PTPRD: variants seen among roughly 807,000 people sequenced by gnomAD.
PTPRD encodes the protein receptor-type tyrosine-protein phosphatase delta.
A neutral mutation model predicts 214.5 loss-of-function variants in PTPRD; 34 were observed. That is an observed-to-expected ratio of 0.16 (90% CI 0.12 to 0.21). The LOEUF (loss-of-function observed/expected upper bound fraction) is 0.21, where lower values mean the gene tolerates loss of function less well. PTPRD is among the 10% of genes least tolerant of loss of function. PTPRD has a pLI of 1.00. For missense variants in PTPRD, 2,545 were observed against 2,398.7 expected, an observed-to-expected ratio of 1.06 and a Z score of -1.27; for synonymous variants, 1,128 against 845.7, an observed-to-expected ratio of 1.33 and a Z score of -5.79.
At chr9:8,838,599 GTTAT>G (rs1003223888) in intron 11 of PTPRD, among the ~76,000 whole-genome samples, 7 of 151,688 alleles carry the variant, frequency 4.6e-5, no homozygotes, top group African/African-American at 1.7e-4. Flanking sequence ...TAAATAACAG[GTTAT>G]TTAGTTTGAC....
At chr9:10,254,414 T>A (rs2093063663) in intron 3 of PTPRD, among the ~76,000 whole-genome samples, 1 of 152,188 alleles carries the variant, frequency 6.6e-6, no homozygotes, top group South Asian at 2.1e-4. Flanking sequence ...TTATTCACAG[T>A]GCATGTCCTA....
chr9:10,466,944 C>G (rs2131541595), intron 2 of PTPRD, among the ~76,000 whole-genome samples: 1 of 152,234 alleles, frequency 6.6e-6, no homozygotes, highest in African/African-American at 2.4e-5. Flanking sequence ...TGCTGAATGT[C>G]CAGAGGATGC....
intron 4 of PTPRD, among the ~76,000 whole-genome samples, chr9:9,975,200 G>T (rs1232187154): frequency 1.3e-5 from 2 of 152,096 alleles, no homozygotes; most frequent in Admixed American, 1.3e-4. Context: ...TGACATGATG[G>T]ACTTCAGTCT....
intron 4 of PTPRD, among the ~76,000 whole-genome samples, chr9:10,010,193 G>A (rs1588826874): frequency 6.6e-6 from 1 of 151,806 alleles, no homozygotes; most frequent in Non-Finnish European, 1.5e-5. Flanking sequence ...ACTAGAAATT[G>A]GAAAAGAAAC....
At chr9:9,389,816 T>C (rs2140852383) in intron 9 of PTPRD, among the ~76,000 whole-genome samples, 1 of 152,324 alleles carries the variant, frequency 6.6e-6, no homozygotes, top group East Asian at 1.9e-4. Flanking sequence ...ACATTCACTC[T>C]GTGCCAGAGC....
intron 5 of PTPRD, among the ~76,000 whole-genome samples, chr9:9,859,638 G>C (rs1365854826): frequency 6.6e-6 from 1 of 152,132 alleles, no homozygotes; most frequent in Middle Eastern, 3.2e-3. Context: ...TTTGTCAATA[G>C]CTATAAATAA....
At chr9:9,448,456 C>G (rs1223313499) in intron 8 of PTPRD, among the ~76,000 whole-genome samples, 1 of 152,082 alleles carries the variant, frequency 6.6e-6, no homozygotes, top group Admixed American at 6.6e-5. Flanking sequence ...TTCATTCTCT[C>G]TCTCTCCTGC....
At chr9:9,105,207 C>G (rs2099796784) in intron 10 of PTPRD, among the ~76,000 whole-genome samples, 1 of 152,136 alleles carries the variant, frequency 6.6e-6, no homozygotes, top group Non-Finnish European at 1.5e-5. Context: ...GTGAGAAGTT[C>G]AAGGTCATCC....
chr9:8,505,727 T>A (rs934542095), intron 22 of PTPRD, among the ~76,000 whole-genome samples: 48 of 152,016 alleles, frequency 3.2e-4, no homozygotes, highest in African/African-American at 1.2e-3. Flanking sequence ...TACAAAAGTT[T>A]TCAGGAATTT....
Position 9,975,043 on chromosome 9 carries a change from GAGA to G in PTPRD, c.-471-36436_-471-36434del, listed in dbSNP as rs1282728382. 4.8e-5 allele frequency among the ~76,000 whole-genome samples: 7 copies of G among 144,998 alleles called. No homozygotes were observed. In the South Asian group the frequency reaches 6.3e-4, roughly 13 times the overall value. On this transcript the variant is annotated intron_variant, in intron 4 of 45. Transcript: ENST00000381196. ...AAAATTTGAGATTTTCTAAACACAG[GAGA>G]AGGTCGTATCACAATCAACTGAGGA...
intron 8 of PTPRD, among the ~76,000 whole-genome samples, chr9:9,503,779 AC>A (rs1422620635): frequency 1.3e-5 from 2 of 151,768 alleles, no homozygotes; most frequent in Admixed American, 6.6e-5. Flanking sequence ...CTATGATTTT[AC>A]AAAGGCTCTC....
In PTPRD at chr9:8,314,348, G is replaced by GA. The variant is rs1396752163; in HGVS notation, c.*3525dup. 1.8e-5 allele frequency: 4 copies of GA among 227,632 alleles called. No individual in the cohort carries two copies. The highest frequency in any genetic ancestry group is 3.5e-5 in the Non-Finnish European group (4 of 114,268). 14.1% of individuals were successfully genotyped at this position (227,632 alleles called of 1,614,324 possible). A position where few individuals can be genotyped will look rare whatever the true frequency, so the allele number is the denominator to read the frequency against. On this transcript the variant is annotated 3_prime_UTR_variant, in exon 46 of 46. Transcript: ENST00000381196. The stretch of plus-strand genomic sequence containing the variant: ...AGACTTCTTTCGCCACCAATGTAAC[G>GA]AAGTAAGAAAATAAAAAGCACGCCT...
At chr9:9,378,734 T>A (rs1484739585) in intron 9 of PTPRD, among the ~76,000 whole-genome samples, 1 of 152,152 alleles carries the variant, frequency 6.6e-6, no homozygotes, top group Admixed American at 6.6e-5. Flanking sequence ...TGTATATCGT[T>A]GTTTGAATTC....
intron 2 of PTPRD, among the ~76,000 whole-genome samples, chr9:10,604,678 A>C (rs2078860945): frequency 6.6e-6 from 1 of 151,826 alleles, no homozygotes; most frequent in African/African-American, 2.4e-5. Context: ...CACACAATAA[A>C]TACATCTATT....
intron 5 of PTPRD, among the ~76,000 whole-genome samples, chr9:9,874,406 T>C (rs185839406): frequency 5.3e-5 from 8 of 152,262 alleles, no homozygotes; most frequent in African/African-American, 1.9e-4. Flanking sequence ...ATCAATATTA[T>C]ATACATTTGG....
intron 8 of PTPRD, among the ~76,000 whole-genome samples, chr9:9,459,098 G>A (rs1480216369): frequency 6.6e-6 from 1 of 152,012 alleles, no homozygotes; most frequent in Non-Finnish European, 1.5e-5. Context: ...AGTCTGCAGA[G>A]GTGGATGCCT....
chr9:9,310,577 G>A (rs1958626827), intron 9 of PTPRD, among the ~76,000 whole-genome samples: 1 of 152,122 alleles, frequency 6.6e-6, no homozygotes, highest in Non-Finnish European at 1.5e-5. Flanking sequence ...TGTATTTAAT[G>A]AGCCGTTATT....
intron 3 of PTPRD, among the ~76,000 whole-genome samples, chr9:10,328,807 C>T (rs1471090651): frequency 6.6e-6 from 1 of 151,680 alleles, no homozygotes; most frequent in Admixed American, 6.6e-5. Flanking sequence ...GAAAGTAATT[C>T]CTTTTGGTTT....
intron 5 of PTPRD, among the ~76,000 whole-genome samples, chr9:9,884,625 C>A (rs1000913462): frequency 1.3e-5 from 2 of 152,080 alleles, no homozygotes; most frequent in African/African-American, 4.8e-5. Context: ...GGCTGTGTCC[C>A]CAACCAAATC....
Sources: allele counts gnomAD v4.1 joint callset (sites outside exome capture counted in the v4.1 genomes callset), GRCh38; gene constraint gnomAD v4.1.1; transcripts MANE v1.5; gene names NCBI Gene and HGNC (gene_info 2026-07-23, HGNC 2026-07-21).